HSD17B4: variants seen among roughly 807,000 people sequenced by gnomAD.
HSD17B4 encodes the protein hydroxysteroid 17-beta dehydrogenase 4.
Under a neutral mutation model 101.0 loss-of-function variants are expected in HSD17B4, and 70 were observed. The ratio of observed to expected loss-of-function variants is 0.69; its 90% CI spans 0.57 to 0.85. HSD17B4 has a LOEUF of 0.85. Among genes scored for constraint, HSD17B4 ranks in the 40% least tolerant of loss-of-function variants. The pLI is 0.00. For synonymous variants in HSD17B4, 347 were observed against 297.1 expected (o/e 1.17, Z -1.73); for missense variants, 984 against 892.4 (o/e 1.10, Z -1.31).
At chr5:119,475,576 G>A (rs1561441967) in intron 4 of HSD17B4, 130 bp from the exon 5 acceptor site, 1 of 712,230 alleles carries the variant, frequency 1.4e-6, no homozygotes, top group East Asian at 2.7e-5. Context: ...TGTTTTGAAA[G>A]CACTCTTTAC....
intron 8 of HSD17B4, among the ~76,000 whole-genome samples, chr5:119,485,546 C>G (rs1047302071): frequency 6.6e-6 from 1 of 151,834 alleles, no homozygotes; most frequent in Non-Finnish European, 1.5e-5. Flanking sequence ...CTGCTTTTTT[C>G]TTACTCTTTT....
intron 21 of HSD17B4, among the ~76,000 whole-genome samples, 185 bp from the exon 22 acceptor site, chr5:119,531,081 A>G (rs1268533648): frequency 6.6e-6 from 1 of 152,078 alleles, no homozygotes; most frequent in Non-Finnish European, 1.5e-5. Context: ...AAATCCTGTT[A>G]TTAAGAGGAC....
At chr5:119,502,369 T>C (rs149346720) in intron 14 of HSD17B4, among the ~76,000 whole-genome samples, 3 of 152,196 alleles carry the variant, frequency 2.0e-5, no homozygotes, top group African/African-American at 7.2e-5. Context: ...GTGTATGTGC[T>C]CTAGACTTAG....
chr5:119,457,424 T>G (rs929109767), intron 2 of HSD17B4, among the ~76,000 whole-genome samples: 1 of 152,240 alleles, frequency 6.6e-6, no homozygotes, highest in Non-Finnish European at 1.5e-5. Flanking sequence ...TTGATACACT[T>G]TTCTCCTTCA....
chr5:119,459,462 C>G (rs1397844031), intron 2 of HSD17B4, among the ~76,000 whole-genome samples: 1 of 152,158 alleles, frequency 6.6e-6, no homozygotes, highest in South Asian at 2.1e-4. Flanking sequence ...CATCCTAGCC[C>G]CCTTATACAT....
At chr5:119,476,785 C>T in intron 6 of HSD17B4, 1 of 814,276 alleles carries the variant, frequency 1.2e-6, no homozygotes, top group Non-Finnish European at 1.5e-6. Flanking sequence ...TTCTCCCTCT[C>T]TTTCTTTTTT....
chr5:119,455,568 CTA>C lies in HSD17B4; in HGVS notation c.59-732_59-731del, dbSNP rs1554059875. Among the ~76,000 whole-genome samples the C allele has an allele frequency of 9.4e-3, 1,277 of 136,474 alleles. 13 individuals carry two copies. Among genetic ancestry groups the C allele is most frequent in the East Asian group, 0.07 (309 of 4,430 alleles). The allele number at this position is 136,474 out of a possible 152,430, so 89.5% of individuals were successfully genotyped here. A position where few individuals can be genotyped will look rare whatever the true frequency, so the allele number is the denominator to read the frequency against. On this transcript the variant is annotated intron_variant, in intron 1 of 23. Transcript: ENST00000510025. ...TCTCTCTCTCTCTCTCTCTCTCTCT[CTA>C]TATATATATATATAATTTCTTTTTG...
At chr5:119,483,327 G>C (rs1749320706) in intron 8 of HSD17B4, among the ~76,000 whole-genome samples, 1 of 152,146 alleles carries the variant, frequency 6.6e-6, no homozygotes, top group Non-Finnish European at 1.5e-5. Flanking sequence ...CAGTTTTCCT[G>C]ATGGTGGTTT....
At chr5:119,517,188 C>G (rs57218593) in intron 17 of HSD17B4, among the ~76,000 whole-genome samples, 20,303 of 152,222 alleles carry the variant, frequency 0.13, 2,141 homozygotes, top group African/African-American at 0.29. Context: ...TTGGCGGGCC[C>G]GGCACTCAGA....
At chr5:119,503,526 A>C (rs951897858) in intron 14 of HSD17B4, among the ~76,000 whole-genome samples, 1 of 152,160 alleles carries the variant, frequency 6.6e-6, no homozygotes, top group African/African-American at 2.4e-5. Context: ...ACTGCAGAAA[A>C]CCAAGGTCAC....
chr5:119,488,978 T>C (rs1000767366), intron 8 of HSD17B4, among the ~76,000 whole-genome samples: 3 of 152,184 alleles, frequency 2.0e-5, no homozygotes, highest in African/African-American at 7.2e-5. Flanking sequence ...AAGGTGTGTC[T>C]GATACTTACA....
chr5:119,531,490 T>TA, intron 22 of HSD17B4, 86 bp downstream of exon 22: 2 of 1,352,298 alleles, frequency 1.5e-6, no homozygotes, highest in Non-Finnish European at 2.1e-6. Context: ...CCTTTGAAGG[T>TA]AGGTAAATCT....
chr5:119,497,530 CTA>C (rs2126773760), intron 12 of HSD17B4, among the ~76,000 whole-genome samples: 1 of 152,250 alleles, frequency 6.6e-6, no homozygotes, highest in Admixed American at 6.5e-5. Context: ...GGAGGGGAGA[CTA>C]TGACACCATG....
chr5:119,518,808 A>G (rs1752870510), intron 17 of HSD17B4, among the ~76,000 whole-genome samples: 1 of 152,190 alleles, frequency 6.6e-6, no homozygotes, highest in South Asian at 2.1e-4. Flanking sequence ...ATGTCTGTTT[A>G]TAATGTCTTC....
intron 7 of HSD17B4, chr5:119,478,010 C>T (rs1297702703): frequency 5.9e-6 from 1 of 170,008 alleles, no homozygotes; most frequent in Admixed American, 5.6e-5. Flanking sequence ...GCCTTAGTTT[C>T]TGGCATTTTA....
Position 119,542,128 on chromosome 5 carries a change from C to T in HSD17B4, c.*134C>T, listed in dbSNP as rs543194892. On this transcript the variant is annotated 3_prime_UTR_variant, in exon 24 of 24. Coordinates refer to ENST00000510025, the MANE Select transcript of HSD17B4 (RefSeq NM_000414.4). ...CTTAACATTTTCAGATATCAGATAA[C>T]TGCAGATTTTCATTTTCTACTAATT... 4.2e-4 allele frequency: 287 copies of T among 676,610 alleles called. No individual in the cohort carries two copies. Among genetic ancestry groups the T allele is most frequent in the Non-Finnish European group, 7.0e-4 (262 of 371,896 alleles). 41.9% of individuals were successfully genotyped at this position (676,610 alleles called of 1,614,324 possible). A position where few individuals can be genotyped will look rare whatever the true frequency, so the allele number is the denominator to read the frequency against.
chr5:119,498,911 A>G (rs2678091), intron 12 of HSD17B4, among the ~76,000 whole-genome samples: 83,062 of 151,982 alleles, frequency 0.55, 22,865 homozygotes, highest in Admixed American at 0.58. Context: ...TTATGAGGCA[A>G]TCAAATTTAC....
chr5:119,486,737 T>C (rs1272421963), intron 8 of HSD17B4, among the ~76,000 whole-genome samples: 1 of 152,184 alleles, frequency 6.6e-6, no homozygotes, highest in East Asian at 1.9e-4. Flanking sequence ...GTACATGTGT[T>C]CTGGATTACA....
chr5:119,501,961 A>C, intron 13 of HSD17B4, 80 bp from the exon 14 acceptor site: 1 of 825,454 alleles, frequency 1.2e-6, no homozygotes, highest in Non-Finnish European at 2.1e-6. Flanking sequence ...GTAAAATGTC[A>C]CTTGCGAGTA....
Sources: gnomAD v4.1 joint callset for allele counts (sites outside exome capture counted in the v4.1 genomes callset) on GRCh38, gnomAD v4.1.1 for gene constraint, MANE v1.5 for transcripts, NCBI Gene and HGNC (gene_info 2026-07-23, HGNC 2026-07-21) for gene names.